CCZ1: variants seen among roughly 807,000 people sequenced by gnomAD.
CCZ1 encodes the protein vacuolar fusion protein CCZ1 homolog.
In CCZ1, 19 loss-of-function variants were observed where a neutral mutation model predicts 57.8. That is an observed-to-expected ratio of 0.33 (90% CI 0.23 to 0.48). The LOEUF (loss-of-function observed/expected upper bound fraction) is 0.48, where lower values mean the gene tolerates loss of function less well. Among genes scored for constraint, CCZ1 ranks in the 20% least tolerant of loss-of-function variants. The probability of loss-of-function intolerance (pLI) is 0.99; values close to 1 mark genes in which losing one functional copy is unlikely to be tolerated. For synonymous variants in CCZ1, 81 were observed against 167.0 expected, an observed-to-expected ratio of 0.49 and a Z score of 3.97; for missense variants, 200 against 492.0, an observed-to-expected ratio of 0.41 and a Z score of 5.61.
intron 4 of CCZ1, 77 bp downstream of exon 4, chr7:5,901,009 G>A: frequency 1.2e-6 from 1 of 827,792 alleles, no homozygotes; most frequent in Non-Finnish European, 1.7e-6. Context: ...TACTTGGTCG[G>A]ATTTAAACTA....
intron 5 of CCZ1, 199 bp from the exon 6 acceptor site, chr7:5,902,462 A>G (rs1781706268): frequency 2.1e-5 from 22 of 1,037,170 alleles, no homozygotes; most frequent in Admixed American, 3.8e-5. Context: ...GGTTTCATAA[A>G]TAAGACAGCA....
At chr7:5,915,467 A>G (rs1749508905) in intron 10 of CCZ1, among the ~76,000 whole-genome samples, 1 of 137,918 alleles carries the variant, frequency 7.3e-6, no homozygotes. Flanking sequence ...TTTAGAGTCA[A>G]TCTACAGACA....
intron 14 of CCZ1, among the ~76,000 whole-genome samples, chr7:5,924,208 A>AG (rs377383744): frequency 1.6e-4 from 9 of 57,102 alleles, no homozygotes; most frequent in African/African-American, 3.1e-4. Flanking sequence ...AAAAAAAAAA[A>AG]TGACTTTATA....
chr7:5,900,774 T>A, intron 3 of CCZ1, 81 bp from the exon 4 acceptor site: 1 of 1,577,550 alleles, frequency 6.3e-7, no homozygotes, highest in East Asian at 2.3e-5. Flanking sequence ...TGCTGTAGCA[T>A]GTTCAAAGTT....
At chr7:5,907,357 A>G (rs1293951864) in intron 7 of CCZ1, among the ~76,000 whole-genome samples, 1 of 149,502 alleles carries the variant, frequency 6.7e-6, no homozygotes, top group African/African-American at 2.5e-5. Flanking sequence ...TGGAAATGAC[A>G]GGACGTGCTT....
chr7:5,912,102 G>A (rs142858439), intron 9 of CCZ1, among the ~76,000 whole-genome samples, 180 bp downstream of exon 9: 2 of 148,624 alleles, frequency 1.3e-5, no homozygotes, highest in African/African-American at 5.1e-5. Flanking sequence ...CTACAGGCAT[G>A]AGCCACTATG....
intron 6 of CCZ1, among the ~76,000 whole-genome samples, chr7:5,903,993 C>A (rs1184077409): frequency 3.7e-5 from 5 of 135,146 alleles, no homozygotes; most frequent in African/African-American, 1.4e-4. Flanking sequence ...GACTCCATCT[C>A]GGGGGGGGAA....
rs1781623164 is a variant in CCZ1 at position 5,899,332 on chromosome 7, G to GTGTGTGTGTGTGTGT, written c.120+413_120+414insTGTGTGTGTGTGTGT. 8.5e-5 allele frequency among the ~76,000 whole-genome samples: 11 copies of GTGTGTGTGTGTGTGT among 128,856 alleles called. 1 individual carries two copies. The highest frequency in any genetic ancestry group is 2.5e-4 in the African/African-American group (9 of 36,330). 84.5% of individuals were successfully genotyped at this position (128,856 alleles called of 152,430 possible). Reference sequence around the variant, plus strand: ...GAGGAAATAAATTAATTTCGGGAGGGGGGTGTGTGTGTGTGTGTGTGTGTG... The same window carrying GTGTGTGTGTGTGTGT: ...GAGGAAATAAATTAATTTCGGGAGGGTGTGTGTGTGTGTGTGGGTGTGTGTGTGTGTGTGTGTGTG... On this transcript the variant is annotated intron_variant, in intron 1 of 14. Transcript: ENST00000325974.
At chr7:5,908,517 T>G (rs528184209) in intron 7 of CCZ1, among the ~76,000 whole-genome samples, 1 of 147,988 alleles carries the variant, frequency 6.8e-6, no homozygotes, top group East Asian at 2.2e-4. Context: ...TAGCTGGGAT[T>G]AGAGGTGTGT....
chr7:5,915,452 C>T (rs1173948398), intron 10 of CCZ1, among the ~76,000 whole-genome samples: 5 of 137,826 alleles, frequency 3.6e-5, no homozygotes, highest in Non-Finnish European at 6.4e-5. Context: ...GGCTGCATTT[C>T]TATTTTTAGA....
chr7:5,912,051 C>G (rs1779050755), intron 9 of CCZ1, 129 bp downstream of exon 9: 7 of 1,572,902 alleles, frequency 4.5e-6, no homozygotes, highest in Non-Finnish European at 6.0e-6. Flanking sequence ...CCTCCCCGGG[C>G]TCAAGTGACT....
intron 8 of CCZ1, among the ~76,000 whole-genome samples, chr7:5,911,470 T>C (rs1019982279): frequency 1.3e-5 from 1 of 75,490 alleles, no homozygotes; most frequent in Non-Finnish European, 3.0e-5. Flanking sequence ...ACCTGGCTAA[T>C]TTTTTGTAGA....
intron 12 of CCZ1, among the ~76,000 whole-genome samples, chr7:5,921,153 A>T: frequency 8.1e-6 from 1 of 124,194 alleles, no homozygotes; most frequent in Non-Finnish European, 1.7e-5. Flanking sequence ...CTGGTCTCGA[A>T]CTCCTGACCT....
chr7:5,921,150 C>T (rs1326751756), intron 12 of CCZ1, among the ~76,000 whole-genome samples: 4 of 125,492 alleles, frequency 3.2e-5, no homozygotes, highest in African/African-American at 9.4e-5. Flanking sequence ...AGACTGGTCT[C>T]GAACTCCTGA....
At chr7:5,908,417 T>G (rs1302638094) in intron 7 of CCZ1, among the ~76,000 whole-genome samples, 2 of 147,756 alleles carry the variant, frequency 1.4e-5, no homozygotes, top group Non-Finnish European at 3.0e-5. Flanking sequence ...TTGGCTTGGT[T>G]GCCCAGGCTA....
chr7:5,912,514 C>G (rs932522053), intron 9 of CCZ1, among the ~76,000 whole-genome samples: 13 of 145,014 alleles, frequency 9.0e-5, no homozygotes, highest in Non-Finnish European at 8.9e-5. Context: ...ATTCCCCTGC[C>G]TCAGCCTCTT....
At chr7:5,925,464 C>T (rs1198196246) in intron 14 of CCZ1, 168 bp from the exon 15 acceptor site, 9 of 666,800 alleles carry the variant, frequency 1.3e-5, no homozygotes, top group African/African-American at 1.1e-4. Context: ...AAGACTCTGT[C>T]TCAAACAAAA....
At chr7:5,920,960 T>TTG (rs1380250284) in intron 12 of CCZ1, among the ~76,000 whole-genome samples, 14 of 115,004 alleles carry the variant, frequency 1.2e-4, no homozygotes, top group African/African-American at 4.5e-4. Flanking sequence ...GGTTTTTTTT[T>TTG]TTTTTTTTTT....
At chr7:5,905,016 A>G (rs1781770127) in intron 6 of CCZ1, 78 bp from the exon 7 acceptor site, 1 of 1,104,880 alleles carries the variant, frequency 9.1e-7, no homozygotes. Context: ...GTCTGACATA[A>G]GATTATTTTC....
Sources: gnomAD v4.1 joint callset for allele counts (sites outside exome capture counted in the v4.1 genomes callset) on GRCh38, gnomAD v4.1.1 for gene constraint, MANE v1.5 for transcripts, NCBI Gene and HGNC (gene_info 2026-07-23, HGNC 2026-07-21) for gene names.